PRTG: variants seen among roughly 807,000 people sequenced by gnomAD.
The protein encoded by PRTG is protogenin.
PRTG carries 67 observed loss-of-function variants against 122.5 expected under a neutral mutation model. The observed-to-expected ratio is 0.55, with a 90% CI of 0.45 to 0.67. The LOEUF (loss-of-function observed/expected upper bound fraction) is 0.67, where lower values mean the gene tolerates loss of function less well. Ranked by LOEUF, PRTG falls within the 30% of genes least tolerant of loss-of-function variation. The pLI, the probability that PRTG is intolerant of heterozygous loss-of-function variation, is 0.00. For missense variants in PRTG, 1,435 were observed against 1,415.4 expected (o/e 1.01, Z -0.22); for synonymous variants, 554 against 501.1 (o/e 1.11, Z -1.41).
At chr15:55,678,981 C>G (rs1381553918) in intron 7 of PRTG, among the ~76,000 whole-genome samples, 2 of 152,152 alleles carry the variant, frequency 1.3e-5, no homozygotes, top group African/African-American at 4.8e-5. Context: ...AATATGCTTT[C>G]TTGTGGTAAC....
chr15:55,695,299 C>T (rs1004476397), intron 2 of PRTG, among the ~76,000 whole-genome samples: 1 of 152,270 alleles, frequency 6.6e-6, no homozygotes, highest in South Asian at 2.1e-4. Context: ...ATGCTTAATA[C>T]ACGATTTTAA....
chr15:55,679,702 T>G, intron 6 of PRTG: 1 of 425,620 alleles, frequency 2.3e-6, no homozygotes, highest in East Asian at 4.0e-5. Flanking sequence ...CCTTCTTAAC[T>G]AAGAACAATA....
In PRTG at chr15:55,624,046, A is replaced by G. The variant is rs1388621980; in HGVS notation, c.3093+296T>C. Among the ~76,000 whole-genome samples, 3 of 152,296 alleles carry G rather than the reference A, an allele frequency of 2.0e-5. No individual in the cohort carries two copies. The East Asian group carries it at 5.8e-4, about 29-fold the overall frequency. On this transcript the variant is annotated intron_variant, in intron 18 of 19. Transcript: ENST00000389286. ...ACTAATGACCATGGTGTCCTTGGTTAAAACAACTTCACTCCATATAATCTC... is the reference window on the plus strand; with the variant it reads ...ACTAATGACCATGGTGTCCTTGGTTGAAACAACTTCACTCCATATAATCTC...
intron 11 of PRTG, among the ~76,000 whole-genome samples, chr15:55,670,925 ACACACACACACACACACACACACACAC>A (rs1294592465): frequency 8.4e-6 from 1 of 119,438 alleles, no homozygotes; most frequent in Non-Finnish European, 1.9e-5. Context: ...ACACACACAC[ACACACACACACACACACACACACACAC>A]ACTTTGTGTG....
chr15:55,641,646 T>C (rs2059291091), intron 11 of PRTG, among the ~76,000 whole-genome samples: 2 of 152,246 alleles, frequency 1.3e-5, no homozygotes, highest in Non-Finnish European at 2.9e-5. Flanking sequence ...GATTGTTTTA[T>C]TCCAAAAAGT....
intron 2 of PRTG, among the ~76,000 whole-genome samples, chr15:55,690,498 A>G (rs2059594701): frequency 6.6e-6 from 1 of 152,230 alleles, no homozygotes; most frequent in South Asian, 2.1e-4. Flanking sequence ...GAGCATTGCA[A>G]AAGTACAGAG....
At chr15:55,654,847 G>A (rs1466943836) in intron 11 of PRTG, among the ~76,000 whole-genome samples, 3 of 152,172 alleles carry the variant, frequency 2.0e-5, no homozygotes, top group African/African-American at 7.2e-5. Flanking sequence ...TGACCCTTAT[G>A]TGAAGCAACA....
chr15:55,731,366 C>CTTTT lies in PRTG; in HGVS notation c.397+9012_397+9015dup, dbSNP rs10658460. On this transcript the variant is annotated intron_variant, in intron 2 of 19. Coordinates refer to ENST00000389286, the MANE Select transcript of PRTG (RefSeq NM_173814.6). ...GGAGAAGAAATTACACCTTATCATT[C>CTTTT]TTTTTTTTTTTTTTTTTTTTTGGAG... is the stretch of plus-strand genomic sequence containing the variant. Among the ~76,000 whole-genome samples the CTTTT allele has an allele frequency of 8.2e-4, 85 of 103,690 alleles. 1 individual carries two copies. Among genetic ancestry groups the CTTTT allele is most frequent in the East Asian group, 1.4e-3 (5 of 3,510 alleles). The allele number at this position is 103,690 out of a possible 152,430, so 68.0% of individuals were successfully genotyped here.
intron 2 of PRTG, among the ~76,000 whole-genome samples, chr15:55,726,305 G>C (rs2031029013): frequency 6.6e-6 from 1 of 152,048 alleles, no homozygotes; most frequent in South Asian, 2.1e-4. Flanking sequence ...TCGAACTCCT[G>C]ACCTCAGGTG....
intron 2 of PRTG, among the ~76,000 whole-genome samples, chr15:55,721,453 A>AT (rs1377115993): frequency 6.6e-6 from 1 of 152,182 alleles, no homozygotes; most frequent in Admixed American, 6.5e-5. Flanking sequence ...CTCCAATTCC[A>AT]TGTTGGGGTG....
chr15:55,680,445 A>C (rs1211801461), intron 5 of PRTG, 46 bp downstream of exon 5: 1 of 1,529,678 alleles, frequency 6.5e-7, no homozygotes, highest in African/African-American at 1.4e-5. Context: ...TAGAATGAAC[A>C]AAATTTAAGG....
At chr15:55,702,598 T>A (rs572872976) in intron 2 of PRTG, among the ~76,000 whole-genome samples, 1 of 152,272 alleles carries the variant, frequency 6.6e-6, no homozygotes, top group Non-Finnish European at 1.5e-5. Context: ...ACACTATACA[T>A]GAAAAGTGCA....
chr15:55,629,496 A>G (rs1233100189), intron 15 of PRTG, among the ~76,000 whole-genome samples: 1 of 151,232 alleles, frequency 6.6e-6, no homozygotes, highest in Non-Finnish European at 1.5e-5. Flanking sequence ...TTTATTATGG[A>G]ACATTTGAAA....
intron 15 of PRTG, among the ~76,000 whole-genome samples, chr15:55,636,899 G>A (rs1236497860): frequency 6.6e-6 from 1 of 152,028 alleles, no homozygotes; most frequent in Non-Finnish European, 1.5e-5. Context: ...TATCCGCCTC[G>A]GCCTCACAAA....
At chr15:55,664,418 C>T (rs2059427010) in intron 11 of PRTG, among the ~76,000 whole-genome samples, 1 of 152,162 alleles carries the variant, frequency 6.6e-6, no homozygotes, top group Non-Finnish European at 1.5e-5. Flanking sequence ...GCTGGGATTA[C>T]AGGCGTGAGC....
rs1438046841 is a variant in PRTG, at chr15:55,624,472, G to A, written c.2963C>T (p.Thr988Ile). 11 of 1,613,602 alleles carry A rather than the reference G, an allele frequency of 6.8e-6. No homozygotes were observed. Among genetic ancestry groups the A allele is most frequent in the Non-Finnish European group, 7.6e-6 (9 of 1,179,844 alleles). ...GGCACTGGTACGAGGTAACTGTTGAGTTCCATTCTGTGCCGTCTTGGAAGC... is the reference window on the plus strand; with the variant it reads ...GGCACTGGTACGAGGTAACTGTTGAATTCCATTCTGTGCCGTCTTGGAAGC... ...SSASKTAQNG[T>I]QQLPRTSASL... is the part of the protein sequence containing the mutation. The change falls in exon 18 of 20, where the codon ACT (threonine) becomes ATT (isoleucine). Residue 988 changes from threonine (T) to isoleucine (I), a missense_variant. Thr to Ile is a moderately conservative substitution (Grantham distance 89). Coordinates refer to ENST00000389286, the MANE Select transcript of PRTG (RefSeq NM_173814.6).
At chr15:55,706,862 G>C (rs1406676406) in intron 2 of PRTG, among the ~76,000 whole-genome samples, 1 of 152,168 alleles carries the variant, frequency 6.6e-6, no homozygotes, top group African/African-American at 2.4e-5. Context: ...AGATGATGCA[G>C]AGCTTTGCCT....
chr15:55,640,826 A>G (rs1049341859), intron 12 of PRTG, among the ~76,000 whole-genome samples: 1 of 151,466 alleles, frequency 6.6e-6, no homozygotes, highest in African/African-American at 2.4e-5. Context: ...CCTGGCCAAC[A>G]TGGTGAAAAC....
intron 2 of PRTG, among the ~76,000 whole-genome samples, chr15:55,714,555 A>G (rs2030529009): frequency 6.6e-6 from 1 of 151,148 alleles, no homozygotes; most frequent in African/African-American, 2.4e-5. Context: ...TTTTTTTTTT[A>G]AATAGAGAAA....
Sources: allele counts gnomAD v4.1 joint callset (sites outside exome capture counted in the v4.1 genomes callset), GRCh38; gene constraint gnomAD v4.1.1; transcripts MANE v1.5; gene names NCBI Gene and HGNC (gene_info 2026-07-23, HGNC 2026-07-21).